The following SDK1 variants were observed in gnomAD, a reference collection of about 807,000 sequenced individuals.
The protein encoded by SDK1 is sidekick cell adhesion molecule 1.
SDK1 carries 157 observed loss-of-function variants against 245.5 expected under a neutral mutation model. That is an observed-to-expected ratio of 0.64 (90% CI 0.56 to 0.73). SDK1 has a LOEUF of 0.73. SDK1 is among the 30% of genes least tolerant of loss of function. The pLI, the probability that SDK1 is intolerant of heterozygous loss-of-function variation, is 0.00. For synonymous variants in SDK1, 1,647 were observed against 1,278.5 expected (o/e 1.29, Z -6.15); for missense variants, 3,583 against 3,002.3 (o/e 1.19, Z -4.52).
intron 1 of SDK1, among the ~76,000 whole-genome samples, chr7:3,464,573 G>T (rs1344025479): frequency 6.6e-6 from 1 of 152,092 alleles, no homozygotes; most frequent in African/African-American, 2.4e-5. Context: ...CATTCTGTCA[G>T]TGGCTCTTTT....
At chr7:3,893,292 C>T (rs1230792622) in intron 5 of SDK1, among the ~76,000 whole-genome samples, 1 of 152,102 alleles carries the variant, frequency 6.6e-6, no homozygotes, top group Non-Finnish European at 1.5e-5. Flanking sequence ...GGGGGTCATC[C>T]CACCTGGGTC....
chr7:3,605,488 T>C (rs1028837506), intron 1 of SDK1, among the ~76,000 whole-genome samples: 14 of 152,378 alleles, frequency 9.2e-5, no homozygotes, highest in African/African-American at 3.4e-4. Context: ...ATGTTGACTT[T>C]TCCTTCTTAT....
In SDK1 at chr7:3,769,339, G is replaced by C. The variant is rs144875736; in HGVS notation, c.714-52111G>C. On this transcript the variant is annotated intron_variant, in intron 4 of 44. Transcript: ENST00000404826. ...TGGTGGGGACTCTCTTCAGAGTCCTGAGGTGTAGTACAGGGCAGTATATAG... is the reference window on the plus strand; with the variant it reads ...TGGTGGGGACTCTCTTCAGAGTCCTCAGGTGTAGTACAGGGCAGTATATAG... Among the ~76,000 whole-genome samples, 803 of 152,258 alleles carry C rather than the reference G, an allele frequency of 5.3e-3. 9 individuals carry two copies. The highest frequency in any genetic ancestry group is 0.018 in the African/African-American group (736 of 41,538).
intron 1 of SDK1, among the ~76,000 whole-genome samples, chr7:3,383,392 C>T (rs948397817): frequency 6.6e-6 from 1 of 152,114 alleles, no homozygotes; most frequent in Admixed American, 6.6e-5. Flanking sequence ...GCCTGGGTGA[C>T]AGCGAGACCC....
chr7:3,319,277 A>G (rs12535505), intron 1 of SDK1, among the ~76,000 whole-genome samples: 35,883 of 151,952 alleles, frequency 0.24, 4,670 homozygotes, highest in East Asian at 0.39. Context: ...TCCACAGGAG[A>G]GGGATGGCTC....
intron 5 of SDK1, among the ~76,000 whole-genome samples, chr7:3,931,829 C>T (rs561144064): frequency 6.6e-4 from 100 of 152,268 alleles, no homozygotes; most frequent in African/African-American, 9.1e-4. Context: ...AAACAAATGA[C>T]GCTCTCCTAT....
chr7:3,346,327 G>A (rs539501448), intron 1 of SDK1, among the ~76,000 whole-genome samples: 3 of 152,176 alleles, frequency 2.0e-5, no homozygotes, highest in African/African-American at 7.2e-5. Context: ...ACCTGGGCTA[G>A]TGGAGCTCCT....
intron 1 of SDK1, among the ~76,000 whole-genome samples, chr7:3,520,762 G>C (rs564313738): frequency 6.6e-6 from 1 of 152,282 alleles, no homozygotes; most frequent in Non-Finnish European, 1.5e-5. Flanking sequence ...TAAAGAACCA[G>C]CTGCTGCTGG....
intron 1 of SDK1, among the ~76,000 whole-genome samples, chr7:3,548,522 C>T (rs540337908): frequency 6.6e-6 from 1 of 152,242 alleles, no homozygotes; most frequent in South Asian, 2.1e-4. Context: ...TTGTCGTAAA[C>T]AATGCTGAGA....
intron 1 of SDK1, among the ~76,000 whole-genome samples, chr7:3,466,863 A>G (rs1355526802): frequency 6.6e-6 from 1 of 151,924 alleles, no homozygotes; most frequent in Non-Finnish European, 1.5e-5. Flanking sequence ...ATTTAAATTG[A>G]TACTGAATGA....
intron 1 of SDK1, among the ~76,000 whole-genome samples, chr7:3,501,509 G>A (rs1286609806): frequency 6.6e-6 from 1 of 152,086 alleles, no homozygotes; most frequent in Non-Finnish European, 1.5e-5. Context: ...TGACCCAGGA[G>A]CATGTTTTTA....
At chr7:3,867,272 T>C (rs1780844466) in intron 5 of SDK1, among the ~76,000 whole-genome samples, 1 of 151,670 alleles carries the variant, frequency 6.6e-6, no homozygotes, top group South Asian at 2.1e-4. Context: ...AGAGAAAGAG[T>C]GGACTCTTCA....
chr7:4,053,835 C>G (rs574603115), intron 19 of SDK1, among the ~76,000 whole-genome samples: 74 of 152,262 alleles, frequency 4.9e-4, no homozygotes, highest in Non-Finnish European at 9.1e-4. Flanking sequence ...AGAAGTTCTT[C>G]CCATACTCTG....
intron 4 of SDK1, among the ~76,000 whole-genome samples, chr7:3,654,084 G>C (rs1783087054): frequency 1.3e-5 from 2 of 152,202 alleles, no homozygotes; most frequent in South Asian, 4.1e-4. Context: ...CTGTAACTTA[G>C]AGAGGACGTG....
At chr7:3,813,257 C>T (rs1305592320) in intron 4 of SDK1, among the ~76,000 whole-genome samples, 1 of 119,664 alleles carries the variant, frequency 8.4e-6, no homozygotes, top group African/African-American at 3.1e-5. Flanking sequence ...GCTATCCCTC[C>T]CCCCTCCCCC....
chr7:4,024,455 C>T (rs1016373878), intron 17 of SDK1, among the ~76,000 whole-genome samples: 5 of 152,182 alleles, frequency 3.3e-5, no homozygotes, highest in Non-Finnish European at 5.9e-5. Flanking sequence ...TTGCCTAAAA[C>T]ACTAAGTAAA....
chr7:3,735,102 A>G (rs1300136389), intron 4 of SDK1, among the ~76,000 whole-genome samples: 2 of 152,176 alleles, frequency 1.3e-5, no homozygotes, highest in African/African-American at 4.8e-5. Flanking sequence ...GCAGGAGTCC[A>G]GCTCCATTAA....
rs1031699315 is a variant in SDK1 at position 3,454,888 on chromosome 7, G to A, written c.298+153004G>A. Among the ~76,000 whole-genome samples, 3 of 152,268 alleles carry A rather than the reference G, an allele frequency of 2.0e-5. No homozygotes were observed. In the East Asian group the frequency reaches 5.8e-4, roughly 29 times the overall value. Reference sequence around the variant, plus strand: ...CTGGGTTGTATAGTAATTGTGTTCAGTATTATAAGAAACTGCCAAACTATT... The same window carrying A: ...CTGGGTTGTATAGTAATTGTGTTCAATATTATAAGAAACTGCCAAACTATT... On this transcript the variant is annotated intron_variant, in intron 1 of 44. Transcript: ENST00000404826.
At chr7:3,673,579 T>C (rs527729049) in intron 4 of SDK1, among the ~76,000 whole-genome samples, 1 of 152,242 alleles carries the variant, frequency 6.6e-6, no homozygotes, top group East Asian at 1.9e-4. Flanking sequence ...CACTGTGAGA[T>C]GCCTTGGTAT....
Sources: gnomAD v4.1 joint callset for allele counts (sites outside exome capture counted in the v4.1 genomes callset) on GRCh38, gnomAD v4.1.1 for gene constraint, MANE v1.5 for transcripts, NCBI Gene and HGNC (gene_info 2026-07-23, HGNC 2026-07-21) for gene names.